Variants in TBC1D9 observed in about 807,000 individuals in gnomAD.
TBC1D9 encodes TBC1 domain family member 9A.
TBC1D9 carries 63 observed loss-of-function variants against 132.0 expected under a neutral mutation model. The observed-to-expected ratio is 0.48, with a 90% confidence interval of 0.39 to 0.59. The LOEUF (loss-of-function observed/expected upper bound fraction) is 0.59. TBC1D9 is among the 20% of genes least tolerant of loss of function. TBC1D9 has a pLI of 0.00. For missense variants in TBC1D9, 1,261 were observed against 1,592.7 expected, an observed-to-expected ratio of 0.79 and a Z score of 3.54; for synonymous variants, 610 against 609.9, an observed-to-expected ratio of 1.00 and a Z score of 0.00.
intron 10 of TBC1D9, among the ~76,000 whole-genome samples, chr4:140,659,912 A>G (rs1443582105): frequency 6.6e-6 from 1 of 152,214 alleles, no homozygotes; most frequent in East Asian, 1.9e-4. Flanking sequence ...GTAAAAACAT[A>G]AAAACCTGAG....
rs752135988 is a variant in TBC1D9 at position 140,640,993 on chromosome 4, C to G, written c.2338-1565G>C. Among the ~76,000 whole-genome samples the G allele has an allele frequency of 2.7e-5, 4 of 145,680 alleles. No homozygotes were observed. The Admixed American group carries it at 2.9e-4, about 10-fold the overall frequency. On this transcript the variant is annotated intron_variant, in intron 13 of 20. Coordinates refer to ENST00000442267, the MANE Select transcript of TBC1D9 (RefSeq NM_015130.3). ...CAGTAACCACTCAAATGCTCATGCA[C>G]AGAATGGATAAAGAAATGGCAATAT...
intron 8 of TBC1D9, 88 bp downstream of exon 8, chr4:140,669,546 G>T: frequency 1.5e-6 from 2 of 1,335,804 alleles, no homozygotes; most frequent in Non-Finnish European, 2.1e-6. Flanking sequence ...ATTTACATAG[G>T]CATGTGTGAA....
chr4:140,735,585 G>A (rs1738660333), intron 1 of TBC1D9, among the ~76,000 whole-genome samples: 1 of 152,056 alleles, frequency 6.6e-6, no homozygotes, highest in Non-Finnish European at 1.5e-5. Context: ...TCATGTATGT[G>A]TCTGTACTCC....
rs1736635854 is a variant in TBC1D9, at chr4:140,622,619, A to G, written c.3377T>C (p.Leu1126Pro). The G allele has an allele frequency of 1.9e-6, 3 of 1,613,424 alleles. No homozygotes were observed. Among genetic ancestry groups the G allele is most frequent in the Non-Finnish European group, 2.5e-6 (3 of 1,179,550 alleles). Residue 1126 changes from leucine to proline, a missense_variant, in exon 21 of 21, where the codon CTT becomes CCT. Transcript: ENST00000442267. The stretch of plus-strand genomic sequence containing the variant: ...CTTGATGTCCTCCATTTGTCCTCCA[A>G]GGGAGTGTTCCTCGCTGTCGGGGGC... Reference protein sequence around the residue: ...SLAPDSEEHSLGGQMEDIKLE... With the variant: ...SLAPDSEEHSPGGQMEDIKLE...
At chr4:140,648,543 G>A (rs960121717) in intron 13 of TBC1D9, among the ~76,000 whole-genome samples, 24 of 151,724 alleles carry the variant, frequency 1.6e-4, no homozygotes, top group African/African-American at 2.4e-4. Context: ...GTGCCACTAC[G>A]CCTGGCTAAT....
chr4:140,654,371 A>C (rs1737233356), intron 13 of TBC1D9, among the ~76,000 whole-genome samples: 1 of 151,736 alleles, frequency 6.6e-6, no homozygotes, highest in African/African-American at 2.4e-5. Context: ...CTCTTTCCAA[A>C]TAAGGAAAGG....
At chr4:140,709,246 T>TCACACACACACACACA (rs1177824383) in intron 1 of TBC1D9, among the ~76,000 whole-genome samples, 1 of 102,316 alleles carries the variant, frequency 9.8e-6, no homozygotes, top group African/African-American at 4.6e-5. Context: ...TCTCTCTCTC[T>TCACACACACACACACA]CTCACACACA....
At chr4:140,675,845 C>G (rs1737615293) in intron 6 of TBC1D9, among the ~76,000 whole-genome samples, 1 of 152,128 alleles carries the variant, frequency 6.6e-6, no homozygotes, top group Non-Finnish European at 1.5e-5. Context: ...CCAGGGTGCC[C>G]TCAGACCTTG....
At chr4:140,659,380 C>G (rs973305674) in intron 11 of TBC1D9, 2 of 388,626 alleles carry the variant, frequency 5.1e-6, no homozygotes, top group African/African-American at 4.1e-5. Flanking sequence ...CTGGAGCAGG[C>G]GTATGTGTAT....
At chr4:140,747,022 AAAT>A (rs1738847436) in intron 1 of TBC1D9, among the ~76,000 whole-genome samples, 3 of 151,438 alleles carry the variant, frequency 2.0e-5, no homozygotes, top group Non-Finnish European at 3.0e-5. Flanking sequence ...AATAAAAAAT[AAAT>A]AAATAAATAA....
At chr4:140,753,353 C>T (rs1355960657) in intron 1 of TBC1D9, among the ~76,000 whole-genome samples, 8 of 152,102 alleles carry the variant, frequency 5.3e-5, no homozygotes, top group Admixed American at 3.3e-4. Flanking sequence ...CTCAGCCTCC[C>T]CAGCAGCTGG....
intron 15 of TBC1D9, among the ~76,000 whole-genome samples, chr4:140,638,265 GTTGA>G (rs1229435548): frequency 6.6e-5 from 10 of 152,100 alleles, no homozygotes; most frequent in Non-Finnish European, 1.0e-4. Flanking sequence ...TTTTTTTCCT[GTTGA>G]TTATCACATT....
At chr4:140,712,467 G>C (rs1483450606) in intron 1 of TBC1D9, among the ~76,000 whole-genome samples, 1 of 26,648 alleles carries the variant, frequency 3.8e-5, no homozygotes, top group Non-Finnish European at 6.1e-5. Flanking sequence ...TATATGCCAG[G>C]TGCGGTGGCT....
chr4:140,719,801 G>T (rs972899775), intron 1 of TBC1D9, among the ~76,000 whole-genome samples: 1 of 152,162 alleles, frequency 6.6e-6, no homozygotes, highest in Non-Finnish European at 1.5e-5. Context: ...ATGTTACACG[G>T]TACTTACCCA....
At chr4:140,650,542 C>CT (rs1316534786) in intron 13 of TBC1D9, among the ~76,000 whole-genome samples, 1 of 152,006 alleles carries the variant, frequency 6.6e-6, no homozygotes, top group Non-Finnish European at 1.5e-5. Context: ...TTTACTTTTT[C>CT]TTTTTTTGAG....
chr4:140,622,347 G>T lies in TBC1D9; in HGVS notation c.3649C>A (p.Leu1217Met). Reference sequence around the variant, plus strand: ...GCAGGCTCAGTTAAGAGGGAGGCCAGGAACTGCTCGAAGGTGATGGCCCAG... The same window carrying T: ...GCAGGCTCAGTTAAGAGGGAGGCCATGAACTGCTCGAAGGTGATGGCCCAG... ...RDWAITFEQF[L>M]ASLLTEPALV... Residue 1217 changes from leucine to methionine, a missense_variant, in exon 21 of 21, where the codon CTG (leucine) becomes ATG (methionine). By Grantham distance (15) the Leu-to-Met change is conservative. Around this residue, in one of 3 missense-constraint regions of TBC1D9, gnomAD observed 618 missense variants for 724.4 expected, o/e 0.85. Coordinates refer to ENST00000442267, the MANE Select transcript of TBC1D9 (RefSeq NM_015130.3). 6.2e-7 allele frequency: 1 copy of T among 1,613,676 alleles called. No homozygotes were observed. The highest frequency in any genetic ancestry group is 2.2e-5 in the East Asian group (1 of 44,858).
chr4:140,627,603 A>C (rs570610768), intron 17 of TBC1D9, 76 bp from the exon 18 acceptor site: 2 of 975,270 alleles, frequency 2.1e-6, no homozygotes, highest in South Asian at 2.9e-5. Flanking sequence ...TTATTAAATA[A>C]AATGACATAA....
chr4:140,717,604 C>T (rs921146564), intron 1 of TBC1D9, among the ~76,000 whole-genome samples: 4 of 152,192 alleles, frequency 2.6e-5, no homozygotes, highest in African/African-American at 9.7e-5. Context: ...CAGCACTAGG[C>T]ATCTCATCTC....
rs376723305 is a variant in TBC1D9 at position 140,665,823 on chromosome 4, C to T, written c.1588+3094G>A. Among the ~76,000 whole-genome samples the T allele has an allele frequency of 4.4e-3, 668 of 152,100 alleles. 3 individuals are homozygous for T. The highest frequency in any genetic ancestry group is 0.015 in the African/African-American group (623 of 41,464). ...TCTTGAGTAGCTGGGACTACATGTG[C>T]GTGCCACCACACCCAGCTAGTTAAA... On this transcript the variant is annotated intron_variant, in intron 9 of 20. Coordinates refer to ENST00000442267, the MANE Select transcript of TBC1D9 (RefSeq NM_015130.3).
Sources: allele counts gnomAD v4.1 joint callset (sites outside exome capture counted in the v4.1 genomes callset), GRCh38; gene constraint gnomAD v4.1.1; regional missense constraint gnomAD v4.1.1; transcripts MANE v1.5; gene names NCBI Gene and HGNC (gene_info 2026-07-23, HGNC 2026-07-21).